Variants in STX8 observed in about 807,000 individuals in gnomAD.
STX8 encodes the protein syntaxin 8.
A neutral mutation model predicts 37.5 loss-of-function variants in STX8; 23 were observed. The observed-to-expected ratio is 0.61, with a 90% CI of 0.44 to 0.87. STX8 has a LOEUF of 0.87. STX8 is among the 40% of genes least tolerant of loss of function. STX8 has a pLI of 0.00. For missense variants in STX8, 313 were observed against 284.7 expected (o/e 1.10, Z -0.71); for synonymous variants, 115 against 99.1 (o/e 1.16, Z -0.95).
chr17:9,492,953 C>A (rs1435075940), intron 5 of STX8, among the ~76,000 whole-genome samples: 4 of 152,156 alleles, frequency 2.6e-5, no homozygotes, highest in African/African-American at 9.7e-5. Flanking sequence ...AAAAAATTAG[C>A]TGGGCCTGGT....
chr17:9,463,469 CCATT>C (rs1193113252), intron 6 of STX8, among the ~76,000 whole-genome samples: 1 of 152,016 alleles, frequency 6.6e-6, no homozygotes. Flanking sequence ...TTTATTTCAC[CCATT>C]CAAAGTCAAA....
At chr17:9,375,933 C>G (rs1011612443) in intron 7 of STX8, among the ~76,000 whole-genome samples, 9 of 152,142 alleles carry the variant, frequency 5.9e-5, no homozygotes, top group Non-Finnish European at 1.3e-4. Context: ...CTCTAGAGCT[C>G]ACTCTCATGA....
chr17:9,441,377 C>A lies in STX8; in HGVS notation c.541+50452G>T, dbSNP rs376486115. Among the ~76,000 whole-genome samples the A allele has an allele frequency of 8.9e-4, 134 of 151,028 alleles. 4 individuals carry two copies. The South Asian group carries it at 0.028, about 32-fold the overall frequency. ...TGGTGGCATGCACCTGTAGTCCCAG[C>A]TACTTGGGAGGCTGAGGCTGGAGAA... On this transcript the variant is annotated intron_variant, in intron 6 of 7. Transcript: ENST00000306357.
chr17:9,419,745 T>C (rs1913353606), intron 6 of STX8, among the ~76,000 whole-genome samples: 2 of 152,200 alleles, frequency 1.3e-5, no homozygotes, highest in Admixed American at 6.5e-5. Flanking sequence ...CATAGAGCTC[T>C]ATTTTGCTCT....
chr17:9,251,615 C>G (rs1171263443), intron 7 of STX8, among the ~76,000 whole-genome samples: 1 of 152,250 alleles, frequency 6.6e-6, no homozygotes, highest in Non-Finnish European at 1.5e-5. Context: ...TGCAGGGTCA[C>G]ATGGTTGCAC....
chr17:9,267,865 C>T (rs1014277774), intron 7 of STX8, among the ~76,000 whole-genome samples: 1 of 151,982 alleles, frequency 6.6e-6, no homozygotes, highest in African/African-American at 2.4e-5. Context: ...GTGGTGGGTG[C>T]CTGTAATCTC....
At chr17:9,404,579 C>T (rs1011345886) in intron 6 of STX8, among the ~76,000 whole-genome samples, 21 of 152,148 alleles carry the variant, frequency 1.4e-4, no homozygotes, top group African/African-American at 4.6e-4. Context: ...CTCAGCCTCC[C>T]GAGTGGCTGG....
At chr17:9,302,989 T>TAAA (rs34429298) in intron 7 of STX8, among the ~76,000 whole-genome samples, 89 of 129,434 alleles carry the variant, frequency 6.9e-4, no homozygotes, top group African/African-American at 1.4e-3. Flanking sequence ...TAATATAGAT[T>TAAA]AAAAAAAAAA....
At chr17:9,533,823 G>C (rs1597728119) in intron 4 of STX8, among the ~76,000 whole-genome samples, 2 of 152,260 alleles carry the variant, frequency 1.3e-5, no homozygotes, top group Admixed American at 1.3e-4. Flanking sequence ...CCCAACATCA[G>C]TATGTCTCAT....
chr17:9,304,047 AG>A (rs1291515665), intron 7 of STX8, among the ~76,000 whole-genome samples: 11 of 152,216 alleles, frequency 7.2e-5, no homozygotes, highest in African/African-American at 2.7e-4. Flanking sequence ...ATTATCACAC[AG>A]GATCCATCTC....
At chr17:9,464,540 C>G (rs1475565398) in intron 6 of STX8, among the ~76,000 whole-genome samples, 2 of 152,080 alleles carry the variant, frequency 1.3e-5, no homozygotes, top group Non-Finnish European at 2.9e-5. Context: ...GTCTCTAGTA[C>G]TTAAACACTG....
chr17:9,436,179 A>G (rs934221609), intron 6 of STX8, among the ~76,000 whole-genome samples: 5 of 142,036 alleles, frequency 3.5e-5, no homozygotes, highest in Non-Finnish European at 6.3e-5. Flanking sequence ...TCTACTAAAA[A>G]TACAAAAAAA....
intron 6 of STX8, among the ~76,000 whole-genome samples, chr17:9,482,210 T>C (rs1465904315): frequency 1.3e-5 from 2 of 152,118 alleles, no homozygotes; most frequent in Non-Finnish European, 2.9e-5. Context: ...CTTACAGCAA[T>C]GTTTCTCAAA....
In STX8 at chr17:9,309,396, C is replaced by G. The variant is rs1210557119; in HGVS notation, c.644-58751G>C. Among the ~76,000 whole-genome samples, 3 of 152,266 alleles carry G rather than the reference C, an allele frequency of 2.0e-5. No individual in the cohort carries two copies. The East Asian group carries it at 5.8e-4, about 29-fold the overall frequency. On this transcript the variant is annotated intron_variant, in intron 7 of 7. Transcript: ENST00000306357. The stretch of plus-strand genomic sequence containing the variant: ...AGGGCTTCTTCTTGAAAGGCTCACA[C>G]AATTCCCAGCTACTTATCATGCAAA...
At chr17:9,327,232 A>C (rs760906414) in intron 7 of STX8, among the ~76,000 whole-genome samples, 2 of 149,178 alleles carry the variant, frequency 1.3e-5, no homozygotes, top group Non-Finnish European at 3.0e-5. Context: ...AAGAAGGAGG[A>C]AGGAGGACAG....
rs902875152 is a variant in STX8 at position 9,415,363 on chromosome 17, C to T, written c.542-36710G>A. Among the ~76,000 whole-genome samples, 40 of 152,256 alleles carry T rather than the reference C, an allele frequency of 2.6e-4. 1 individual carries two copies. The highest frequency in any genetic ancestry group is 9.6e-4 in the African/African-American group (40 of 41,546). ...TTCTCCTGTGTTAGTTTGCACCTTT[C>T]TTTCATTAACAAGTTCCTGGTATCT... On this transcript the variant is annotated intron_variant, in intron 6 of 7. Coordinates refer to ENST00000306357, the MANE Select transcript of STX8 (RefSeq NM_004853.3).
intron 7 of STX8, among the ~76,000 whole-genome samples, chr17:9,355,606 G>A (rs944839777): frequency 3.3e-5 from 5 of 151,240 alleles, no homozygotes; most frequent in Non-Finnish European, 2.9e-5. Flanking sequence ...GAGTTCAAGC[G>A]ATTCTCCTGC....
At chr17:9,364,834 G>A (rs1055584346) in intron 7 of STX8, among the ~76,000 whole-genome samples, 6 of 151,968 alleles carry the variant, frequency 3.9e-5, no homozygotes, top group African/African-American at 1.5e-4. Flanking sequence ...GCGCCTGGCC[G>A]GTATTTGATA....
At chr17:9,465,758 CA>C (rs1395553152) in intron 6 of STX8, among the ~76,000 whole-genome samples, 1 of 152,036 alleles carries the variant, frequency 6.6e-6, no homozygotes, top group African/African-American at 2.4e-5. Context: ...GGACTGAAGC[CA>C]GGGCAGCCAC....
Sources: allele counts gnomAD v4.1 joint callset (sites outside exome capture counted in the v4.1 genomes callset), GRCh38; gene constraint gnomAD v4.1.1; transcripts MANE v1.5; gene names NCBI Gene and HGNC (gene_info 2026-07-23, HGNC 2026-07-21).